HSD17B12: variants seen among roughly 807,000 people sequenced by gnomAD.
HSD17B12 encodes very-long-chain 3-oxoacyl-CoA reductase.
Under a neutral mutation model 39.3 loss-of-function variants are expected in HSD17B12, and 32 were observed. That is an observed-to-expected ratio of 0.81 (90% CI 0.61 to 1.09). The LOEUF is 1.09. HSD17B12 is among the 50% of genes least tolerant of loss of function. HSD17B12 has a pLI of 0.00. For missense variants in HSD17B12, 342 were observed against 382.9 expected (o/e 0.89, Z 0.89); for synonymous variants, 150 against 146.7 (o/e 1.02, Z -0.16).
chr11:43,820,291 G>A (rs1237229666), intron 6 of HSD17B12, among the ~76,000 whole-genome samples: 2 of 152,148 alleles, frequency 1.3e-5, no homozygotes, highest in East Asian at 3.8e-4. Context: ...AGAGTGACAC[G>A]GTAATAGGTA....
At chr11:43,716,745 A>G (rs543036334) in intron 1 of HSD17B12, among the ~76,000 whole-genome samples, 2 of 109,246 alleles carry the variant, frequency 1.8e-5, no homozygotes, top group African/African-American at 5.3e-5. Context: ...TATTATACAT[A>G]TATATATATA....
the HSD17B12 span, among the ~76,000 whole-genome samples, chr11:43,663,285 C>T: frequency 1.1e-4 from 16 of 151,988 alleles, no homozygotes; most frequent in East Asian, 3.9e-4. Context: ...TTTTTAGTAG[C>T]GACAGGGTTT....
intron 1 of HSD17B12, among the ~76,000 whole-genome samples, chr11:43,732,676 T>C (rs1345261575): frequency 6.6e-6 from 1 of 152,184 alleles, no homozygotes; most frequent in Admixed American, 6.5e-5. Flanking sequence ...TTGCCCAGGC[T>C]GGTCTCGAAC....
At chr11:43,706,997 G>A (rs1315379294) in intron 1 of HSD17B12, among the ~76,000 whole-genome samples, 1 of 151,684 alleles carries the variant, frequency 6.6e-6, no homozygotes, top group Non-Finnish European at 1.5e-5. Context: ...TGGTACTGAT[G>A]CCTCATATCA....
At chr11:43,731,427 T>G (rs1950266164) in intron 1 of HSD17B12, among the ~76,000 whole-genome samples, 1 of 152,232 alleles carries the variant, frequency 6.6e-6, no homozygotes, top group Non-Finnish European at 1.5e-5. Context: ...TTATACCAGG[T>G]AGATCTCATT....
In HSD17B12 at chr11:43,808,373, A is replaced by G. The variant is rs1293279605; in HGVS notation, c.392-7064A>G. Among the ~76,000 whole-genome samples the G allele has an allele frequency of 2.6e-5, 4 of 151,690 alleles. No homozygotes were observed. The South Asian group carries it at 6.2e-4, about 24-fold the overall frequency. Reference sequence around the variant, plus strand: ...ATAGTGCCTTGTAGTTCCATTAGGTATGTTGGCTGAGATTGGATTTGTAAA... The same window carrying G: ...ATAGTGCCTTGTAGTTCCATTAGGTGTGTTGGCTGAGATTGGATTTGTAAA... On this transcript the variant is annotated intron_variant, in intron 4 of 10. Transcript: ENST00000278353.
chr11:43,697,068 T>A (rs1949919072), intron 1 of HSD17B12, among the ~76,000 whole-genome samples: 1 of 152,174 alleles, frequency 6.6e-6, no homozygotes, highest in African/African-American at 2.4e-5. Context: ...AATGCATATG[T>A]GGCTTAAAAC....
At chr11:43,842,756 A>G (rs2135133816) in intron 9 of HSD17B12, among the ~76,000 whole-genome samples, 1 of 152,336 alleles carries the variant, frequency 6.6e-6, no homozygotes, top group South Asian at 2.1e-4. Context: ...GTTTGTAAAC[A>G]CCTATTGCGA....
chr11:43,814,005 A>G (rs1291625230), intron 4 of HSD17B12, among the ~76,000 whole-genome samples: 2 of 152,190 alleles, frequency 1.3e-5, no homozygotes, highest in Non-Finnish European at 2.9e-5. Context: ...AAAAGTTATT[A>G]TTACTAATAT....
chr11:43,627,084 A>T, the HSD17B12 span, among the ~76,000 whole-genome samples: 2 of 152,008 alleles, frequency 1.3e-5, no homozygotes, highest in African/African-American at 2.4e-5. Flanking sequence ...TTCATTTTTT[A>T]AAATTTTCAT....
the HSD17B12 span, chr11:43,644,269 G>A: frequency 6.6e-6 from 1 of 152,302 alleles, no homozygotes; most frequent in African/African-American, 2.4e-5. Flanking sequence ...GCCGAGGCAG[G>A]GAGTTGAGGG....
chr11:43,562,201 C>T, the HSD17B12 span, among the ~76,000 whole-genome samples: 1 of 152,202 alleles, frequency 6.6e-6, no homozygotes, highest in African/African-American at 2.4e-5. Flanking sequence ...TGTGTGTGCA[C>T]AAAGGCAGAT....
intron 6 of HSD17B12, among the ~76,000 whole-genome samples, chr11:43,817,044 A>ATCTATATC (rs1262286167): frequency 2.7e-5 from 3 of 110,372 alleles, no homozygotes; most frequent in East Asian, 3.5e-4. Context: ...CTATATCTAT[A>ATCTATATC]TATATATATA....
At chr11:43,589,592 G>A in the HSD17B12 span, among the ~76,000 whole-genome samples, 1 of 152,114 alleles carries the variant, frequency 6.6e-6, no homozygotes, top group Non-Finnish European at 1.5e-5. Context: ...TAAACCCACA[G>A]TCTATGCATT....
At position 43,757,480 on chromosome 11, in the gene HSD17B12, A is replaced by G. The variant is rs371000740; in HGVS notation, c.283+3359A>G. The stretch of plus-strand genomic sequence containing the variant: ...AACCCCGTCTCTACTAAAAATACAA[A>G]AAATTAGCCGGGCGCGGTGGCGGGC... On this transcript the variant is annotated intron_variant, in intron 3 of 10. Transcript: ENST00000278353. 2.1e-4 allele frequency among the ~76,000 whole-genome samples: 31 copies of G among 149,050 alleles called. No homozygotes were observed. In the East Asian group the frequency reaches 4.9e-3, roughly 24 times the overall value.
chr11:43,801,630 A>AGT (rs1950970509), intron 4 of HSD17B12, among the ~76,000 whole-genome samples: 2 of 18,080 alleles, frequency 1.1e-4, no homozygotes, highest in Non-Finnish European at 3.3e-4. Context: ...ATATATATAT[A>AGT]TGTATATGTA....
chr11:43,655,638 G>T, the HSD17B12 span, among the ~76,000 whole-genome samples: 1 of 152,128 alleles, frequency 6.6e-6, no homozygotes, highest in Non-Finnish European at 1.5e-5. Flanking sequence ...TTTGTCAAAT[G>T]CCTTTTCTGC....
chr11:43,614,840 A>G, the HSD17B12 span, among the ~76,000 whole-genome samples: 4 of 151,928 alleles, frequency 2.6e-5, no homozygotes, highest in African/African-American at 4.8e-5. Context: ...TTCTGTGCTC[A>G]TATTTCTCAT....
intron 3 of HSD17B12, among the ~76,000 whole-genome samples, chr11:43,772,158 C>T (rs1245679579): frequency 6.6e-6 from 1 of 152,088 alleles, no homozygotes; most frequent in Non-Finnish European, 1.5e-5. Context: ...AGCATGGTTC[C>T]AAGTGTTGAG....
Sources: allele counts gnomAD v4.1 joint callset (sites outside exome capture counted in the v4.1 genomes callset), GRCh38; gene constraint gnomAD v4.1.1; transcripts MANE v1.5; gene names NCBI Gene and HGNC (gene_info 2026-07-23, HGNC 2026-07-21).